Variants in PTPN3 observed in about 807,000 individuals in gnomAD.
The protein encoded by PTPN3 is protein tyrosine phosphatase non-receptor type 3, also known as tyrosine-protein phosphatase non-receptor type 3.
In PTPN3, 96 loss-of-function variants were observed where a neutral mutation model predicts 132.7. That is an observed-to-expected ratio of 0.72 (90% CI 0.61 to 0.86). PTPN3 has a LOEUF of 0.86. Among genes scored for constraint, PTPN3 ranks in the 40% least tolerant of loss-of-function variants. PTPN3 has a pLI of 0.00. For synonymous variants in PTPN3, 398 were observed against 429.0 expected, an observed-to-expected ratio of 0.93 and a Z score of 0.89; for missense variants, 1,125 against 1,159.6, an observed-to-expected ratio of 0.97 and a Z score of 0.43.
In PTPN3 at chr9:109,417,314, C is replaced by T. The variant is rs1024094794; in HGVS notation, c.1313+3110G>A. Among the ~76,000 whole-genome samples the T allele has an allele frequency of 6.6e-5, 10 of 152,338 alleles. No homozygotes were observed. The South Asian group carries it at 1.7e-3, about 25-fold the overall frequency. ...CTCTGGGTTTACAGCCAAATCTAAC[C>T]GCTCTTTTTCTTTCTCTCTTTCTTC... is the stretch of plus-strand genomic sequence containing the variant. On this transcript the variant is annotated intron_variant, in intron 14 of 25. Transcript: ENST00000374541.
At chr9:109,401,132 T>A (rs1841055111) in intron 19 of PTPN3, among the ~76,000 whole-genome samples, 1 of 152,244 alleles carries the variant, frequency 6.6e-6, no homozygotes, top group African/African-American at 2.4e-5. Context: ...TAGACAAAAA[T>A]GAAGGAAACG....
chr9:109,432,898 CTCAAATTTTCCT>C (rs1034626818), intron 10 of PTPN3, among the ~76,000 whole-genome samples, 163 bp downstream of exon 10: 68 of 152,302 alleles, frequency 4.5e-4, no homozygotes, highest in African/African-American at 1.6e-3. Context: ...GAAAACTAAA[CTCAAATTTTCCT>C]AAGTACCAAA....
intron 14 of PTPN3, among the ~76,000 whole-genome samples, chr9:109,412,933 C>T (rs1457001530): frequency 3.4e-5 from 5 of 148,922 alleles, no homozygotes; most frequent in African/African-American, 1.3e-4. Flanking sequence ...TCATTTTATG[C>T]CCTAACCTAT....
intron 1 of PTPN3, among the ~76,000 whole-genome samples, chr9:109,485,832 C>A (rs1198618749): frequency 6.6e-6 from 1 of 152,244 alleles, no homozygotes; most frequent in Non-Finnish European, 1.5e-5. Context: ...TCAAGATCCA[C>A]CCCCGACTCC....
chr9:109,522,533 T>C, the PTPN3 span, among the ~76,000 whole-genome samples: 2 of 152,232 alleles, frequency 1.3e-5, no homozygotes, highest in African/African-American at 2.4e-5. Context: ...TTTTTATAAA[T>C]GTATATTTAT....
rs545717064 is a variant in PTPN3, at chr9:109,391,027, C to T, written c.2106+111G>A. 1,587 of 922,902 alleles carry T rather than the reference C, an allele frequency of 1.7e-3. 5 individuals are homozygous for T. The highest frequency in any genetic ancestry group is 1.6e-3 in the Non-Finnish European group (931 of 598,448). The allele number at this position is 922,902 out of a possible 1,614,324, so 57.2% of individuals were successfully genotyped here. A position where few individuals can be genotyped will look rare whatever the true frequency, so the allele number is the denominator to read the frequency against. On this transcript the variant is annotated intron_variant, in intron 21 of 25. Transcript: ENST00000374541. ...CCATGGCTGTTGTGGTGCTGAAATG[C>T]GGTGGTGAACGGGAAAGCACTGTGT...
Position 109,377,402 on chromosome 9 carries a change from AC to A in PTPN3, c.*2153del. The A allele has an allele frequency of 3.5e-5, 1 of 28,520 alleles. No individual in the cohort carries two copies. Among genetic ancestry groups the A allele is most frequent in the Non-Finnish European group, 7.9e-5 (1 of 12,586 alleles). The allele number at this position is 28,520 out of a possible 1,614,324, so 1.8% of individuals were successfully genotyped here. ...ACATCAAGATCCTGTCTCTACACAC[AC>A]ACACACACACACACACACACACACA... On this transcript the variant is annotated 3_prime_UTR_variant, in exon 26 of 26. Coordinates refer to ENST00000374541, the MANE Select transcript of PTPN3 (RefSeq NM_002829.4).
Position 109,420,522 on chromosome 9 carries a change from G to A in PTPN3, c.1215C>T (p.Tyr405=). 3 of 1,613,480 alleles carry A rather than the reference G, an allele frequency of 1.9e-6. No homozygotes were observed. The highest frequency in any genetic ancestry group is 1.1e-5 in the South Asian group (1 of 91,044). ...AAAATACATCTTCCGTTTCCGTGATGTAGGTCATTTCATTTGCAAGGTTAT... is the reference window on the plus strand; with the variant it reads ...AAAATACATCTTCCGTTTCCGTGATATAGGTCATTTCATTTGCAAGGTTAT... ...SADNLANEMT[Y]ITETEDVFYT... The change falls in exon 14 of 26, where the codon TAC becomes TAT. Residue 405 remains tyrosine (Y), a synonymous_variant. Coordinates refer to ENST00000374541, the MANE Select transcript of PTPN3 (RefSeq NM_002829.4).
rs567793139 is a variant in PTPN3, at chr9:109,449,522, G to A, written c.369-667C>T. 594 of 985,538 alleles carry A rather than the reference G, an allele frequency of 6.0e-4. 1 individual carries two copies. Among genetic ancestry groups the A allele is most frequent in the Non-Finnish European group, 6.7e-4 (558 of 830,012 alleles). The allele number at this position is 985,538 out of a possible 1,614,324, so 61.0% of individuals were successfully genotyped here. On this transcript the variant is annotated intron_variant, in intron 5 of 25. Coordinates refer to ENST00000374541, the MANE Select transcript of PTPN3 (RefSeq NM_002829.4). ...TCCAGACCTGTTTTGTGGGCAAGTC[G>A]TGGCAGGCCCCTCAGCCTGTGACTT...
At chr9:109,524,397 C>T in the PTPN3 span, among the ~76,000 whole-genome samples, 1 of 39,260 alleles carries the variant, frequency 2.5e-5, no homozygotes, top group Non-Finnish European at 4.7e-5. Context: ...CAGCTGGAGC[C>T]TCTGAAGTTC....
chr9:109,405,315 T>A lies in PTPN3; in HGVS notation c.1793-707A>T, dbSNP rs146161849. On this transcript the variant is annotated intron_variant, in intron 18 of 25. Coordinates refer to ENST00000374541, the MANE Select transcript of PTPN3 (RefSeq NM_002829.4). ...GGGTCAGAGCTGGTCCTGGTGGCTC[T>A]GGACTGAGAGTTGCAGTGGGAGCAG... Among the ~76,000 whole-genome samples, 43 of 152,256 alleles carry A rather than the reference T, an allele frequency of 2.8e-4. No individual in the cohort carries two copies. The East Asian group carries it at 7.7e-3, about 27-fold the overall frequency.
At chr9:109,455,322 T>C (rs1057337872) in intron 4 of PTPN3, among the ~76,000 whole-genome samples, 2 of 152,170 alleles carry the variant, frequency 1.3e-5, no homozygotes, top group Non-Finnish European at 2.9e-5. Flanking sequence ...GATCAGATTG[T>C]GCTGCTAAGA....
intron 19 of PTPN3, among the ~76,000 whole-genome samples, chr9:109,400,893 A>T (rs1457336974): frequency 6.6e-6 from 1 of 152,094 alleles, no homozygotes; most frequent in Non-Finnish European, 1.5e-5. Context: ...TCTGTAAAAC[A>T]CCATTCTCGC....
At chr9:109,408,244 G>A in intron 17 of PTPN3, 77 bp downstream of exon 17, 4 of 1,196,796 alleles carry the variant, frequency 3.3e-6, no homozygotes, top group Non-Finnish European at 4.7e-6. Flanking sequence ...AAAGAAACAG[G>A]ACTCAGAAAC....
chr9:109,497,739 T>C (rs1847735544), intron 1 of PTPN3, among the ~76,000 whole-genome samples: 1 of 152,012 alleles, frequency 6.6e-6, no homozygotes, highest in Non-Finnish European at 1.5e-5. Context: ...GCCCAGGAAA[T>C]GCCATCTTTG....
intron 19 of PTPN3, 110 bp downstream of exon 19, chr9:109,404,338 G>A (rs1366153413): frequency 7.2e-6 from 6 of 839,074 alleles, no homozygotes; most frequent in Non-Finnish European, 8.3e-6. Context: ...CAATCATCTC[G>A]ACCAAGGAAA....
At chr9:109,534,282 C>T in the PTPN3 span, 1 of 1,539,390 alleles carries the variant, frequency 6.5e-7, no homozygotes, top group Non-Finnish European at 8.7e-7. Flanking sequence ...GGGCGGGGGG[C>T]GGCGAGCGGC....
intron 14 of PTPN3, among the ~76,000 whole-genome samples, chr9:109,413,584 G>C (rs779157321): frequency 6.6e-6 from 1 of 152,186 alleles, no homozygotes; most frequent in Non-Finnish European, 1.5e-5. Flanking sequence ...AGTGAAGAAA[G>C]GGGCAGGATG....
upstream of PTPN3, among the ~76,000 whole-genome samples, chr9:109,500,928 AAAT>A (rs1227759268): frequency 2.1e-5 from 3 of 144,460 alleles, no homozygotes; most frequent in African/African-American, 2.6e-5. Flanking sequence ...ATTCTGTCTC[AAAT>A]AAAAAAAAAA....
Sources: allele counts gnomAD v4.1 joint callset (sites outside exome capture counted in the v4.1 genomes callset), GRCh38; gene constraint gnomAD v4.1.1; transcripts MANE v1.5; gene names NCBI Gene and HGNC (gene_info 2026-07-23, HGNC 2026-07-21).